Variants in RAB11FIP1 observed in about 807,000 individuals in gnomAD.
The protein encoded by RAB11FIP1 is RAB11 family interacting protein 1.
Under a neutral mutation model 83.1 loss-of-function variants are expected in RAB11FIP1, and 49 were observed. That is an observed-to-expected ratio of 0.59 (90% CI 0.47 to 0.75). The LOEUF (loss-of-function observed/expected upper bound fraction) is 0.75. Ranked by LOEUF, RAB11FIP1 falls within the 30% of genes least tolerant of loss-of-function variation. The pLI is 0.00. For missense variants in RAB11FIP1, 1,536 were observed against 1,598.7 expected (o/e 0.96, Z 0.67); for synonymous variants, 670 against 656.0 (o/e 1.02, Z -0.33).
rs1365691657 is a variant in RAB11FIP1, at chr8:37,895,169, G to T, written c.371+3902C>A. 1.0e-4 allele frequency among the ~76,000 whole-genome samples: 11 copies of T among 108,840 alleles called. No homozygotes were observed. In the Admixed American group the frequency reaches 1.1e-3, roughly 11 times the overall value. 71.4% of individuals were successfully genotyped at this position (108,840 alleles called of 152,430 possible). A position where few individuals can be genotyped will look rare whatever the true frequency, so the allele number is the denominator to read the frequency against. Reference sequence around the variant, plus strand: ...TAACCTTTAACTCTTGAGCTCAAATGATCTTCTCACCTCAGCCTCCGGAAT... The same window carrying T: ...TAACCTTTAACTCTTGAGCTCAAATTATCTTCTCACCTCAGCCTCCGGAAT... On this transcript the variant is annotated intron_variant, in intron 1 of 5. Coordinates refer to ENST00000330843, the MANE Select transcript of RAB11FIP1 (RefSeq NM_001002814.3).
At chr8:37,866,485 T>G (rs1806344695) in intron 5 of RAB11FIP1, among the ~76,000 whole-genome samples, 1 of 152,218 alleles carries the variant, frequency 6.6e-6, no homozygotes, top group Non-Finnish European at 1.5e-5. Context: ...CCCTGGACTT[T>G]TCCTTTTACA....
rs746822844 is a variant in RAB11FIP1, at chr8:37,872,616, G to T, written c.2186C>A (p.Ala729Asp). 1.2e-6 allele frequency: 2 copies of T among 1,614,182 alleles called. No individual in the cohort carries two copies. Among genetic ancestry groups the T allele is most frequent in the South Asian group, 1.1e-5 (1 of 91,084 alleles). ...AGCTCCATCACTGCTGAGTGAAAGG[G>T]CAAACGGTACTTCCTGGGCTTCTCC... The part of the protein sequence containing the change: ...SSGEAQEVPF[A>D]LSLSSDGAVS... Residue 729 changes from alanine (A) to aspartate (D), a missense_variant, in exon 4 of 6, where the codon GCC becomes GAC. Transcript: ENST00000330843.
In RAB11FIP1 at chr8:37,897,566, T is replaced by A. The variant is rs538890762; in HGVS notation, c.371+1505A>T. ...CTGTGAAACAAATAATTCGGTAATATCATGGAGTGAATGGTTTTTGCCCAG... is the reference window on the plus strand; with the variant it reads ...CTGTGAAACAAATAATTCGGTAATAACATGGAGTGAATGGTTTTTGCCCAG... On this transcript the variant is annotated intron_variant, in intron 1 of 5. Transcript: ENST00000330843. 4.0e-5 allele frequency among the ~76,000 whole-genome samples: 6 copies of A among 150,916 alleles called. No individual in the cohort carries two copies. In the East Asian group the frequency reaches 1.2e-3, roughly 29 times the overall value.
Position 37,881,585 on chromosome 8 carries a change from A to G in RAB11FIP1, c.372-4034T>C, listed in dbSNP as rs187863632. 2.5e-4 allele frequency among the ~76,000 whole-genome samples: 38 copies of G among 152,358 alleles called. 1 individual carries two copies. Among genetic ancestry groups the G allele is most frequent in the African/African-American group, 9.1e-4 (38 of 41,594 alleles). ...AATACAGCAAGGAGAGGATAAAATT[A>G]TATGAGCTATAATTTTGGACCCTTA... On this transcript the variant is annotated intron_variant, in intron 1 of 5. Transcript: ENST00000330843.
chr8:37,876,553 G>A lies in RAB11FIP1; in HGVS notation c.814+556C>T, dbSNP rs192662279. 3.2e-3 allele frequency among the ~76,000 whole-genome samples: 492 copies of A among 151,696 alleles called. 1 individual carries two copies. Among genetic ancestry groups the A allele is most frequent in the African/African-American group, 9.9e-3 (409 of 41,358 alleles). ...TTGGAGGCTGCCGTAAGCTATGATC[G>A]CGCCACTGCACTCCAGCGTGGGCAA... is the stretch of plus-strand genomic sequence containing the variant. On this transcript the variant is annotated intron_variant, in intron 2 of 5. Coordinates refer to ENST00000330843, the MANE Select transcript of RAB11FIP1 (RefSeq NM_001002814.3).
chr8:37,867,300 A>G (rs1032512193), intron 5 of RAB11FIP1, among the ~76,000 whole-genome samples: 11 of 152,252 alleles, frequency 7.2e-5, no homozygotes, highest in Non-Finnish European at 1.6e-4. Flanking sequence ...GCTGGTTGAC[A>G]TATTGTACAT....
chr8:37,880,866 T>C (rs1806721388), intron 1 of RAB11FIP1, among the ~76,000 whole-genome samples: 2 of 151,158 alleles, frequency 1.3e-5, no homozygotes, highest in Admixed American at 1.3e-4. Flanking sequence ...GTCCACCAGG[T>C]CACCCTCACA....
chr8:37,877,708 ATTTTTT>A (rs59670170), intron 1 of RAB11FIP1, 157 bp from the exon 2 acceptor site: 713 of 210,664 alleles, frequency 3.4e-3, no homozygotes, highest in South Asian at 4.2e-3. Flanking sequence ...TGAGAGCAGA[ATTTTTT>A]TTTTTTTTTT....
At position 37,885,180 on chromosome 8, in the gene RAB11FIP1, A is replaced by C. The variant is rs192677958; in HGVS notation, c.372-7629T>G. Among the ~76,000 whole-genome samples, 465 of 151,482 alleles carry C rather than the reference A, an allele frequency of 3.1e-3. 5 individuals are homozygous for C. Among genetic ancestry groups the C allele is most frequent in the African/African-American group, 0.011 (451 of 41,190 alleles). Reference sequence around the variant, plus strand: ...CAGCTAAGTTTTGTATTTTTAGTAGAGACGGGGTTTCACCGTGATGGCCAG... The same window carrying C: ...CAGCTAAGTTTTGTATTTTTAGTAGCGACGGGGTTTCACCGTGATGGCCAG... On this transcript the variant is annotated intron_variant, in intron 1 of 5. Transcript: ENST00000330843.
rs765058908 is a variant in RAB11FIP1, at chr8:37,872,135, G to A, written c.2667C>T (p.Ser889=). ...GGACTTCGGAGAAACTCTCCTCCTG[G>A]GAGGGGAGGAGGAGGTGATCCGCTG... ...ASPADHLLLP[S]QEESFSEVPM... is the part of the protein sequence containing the mutation. Residue 889 remains serine (S), a synonymous_variant, in exon 4 of 6, where the codon TCC becomes TCT. Coordinates refer to ENST00000330843, the MANE Select transcript of RAB11FIP1 (RefSeq NM_001002814.3). 3.7e-6 allele frequency: 6 copies of A among 1,613,892 alleles called. No homozygotes were observed. In the African/African-American group the frequency reaches 4.0e-5, roughly 11 times the overall value.
rs774473467 is a variant in RAB11FIP1 at position 37,861,675 on chromosome 8, A to T, written c.*1220T>A. The T allele has an allele frequency of 2.5e-6, 1 of 405,878 alleles. No individual in the cohort carries two copies. The highest frequency in any genetic ancestry group is 1.8e-5 in the South Asian group (1 of 56,070). The allele number at this position is 405,878 out of a possible 1,614,324, so 25.1% of individuals were successfully genotyped here. A position where few individuals can be genotyped will look rare whatever the true frequency, so the allele number is the denominator to read the frequency against. On this transcript the variant is annotated 3_prime_UTR_variant, in exon 6 of 6. Transcript: ENST00000330843. The stretch of plus-strand genomic sequence containing the variant: ...ACGATCTTGGCTCGCTGCAGCCTCC[A>T]TCTCCCAAGTTCAAGCAATTCTCCT...
intron 1 of RAB11FIP1, among the ~76,000 whole-genome samples, chr8:37,879,761 T>C (rs1339826901): frequency 2.0e-5 from 3 of 152,080 alleles, no homozygotes; most frequent in Middle Eastern, 3.4e-3. Context: ...CACATGCCTG[T>C]AATTTCAGCT....
intron 1 of RAB11FIP1, among the ~76,000 whole-genome samples, chr8:37,883,343 C>T (rs780024354): frequency 2.0e-5 from 3 of 152,084 alleles, no homozygotes; most frequent in South Asian, 2.1e-4. Flanking sequence ...GGATTACAGG[C>T]GTGCGCAACT....
intron 1 of RAB11FIP1, among the ~76,000 whole-genome samples, chr8:37,886,126 G>GTTT (rs1260408286): frequency 6.6e-6 from 1 of 152,114 alleles, no homozygotes; most frequent in African/African-American, 2.4e-5. Flanking sequence ...CAGTTCCAAC[G>GTTT]TTTTTACATG....
At chr8:37,892,311 C>T (rs897243767) in intron 1 of RAB11FIP1, among the ~76,000 whole-genome samples, 1 of 152,132 alleles carries the variant, frequency 6.6e-6, no homozygotes, top group Non-Finnish European at 1.5e-5. Flanking sequence ...GCAACAGCCT[C>T]CCATTTTGTC....
Position 37,877,467 on chromosome 8 carries a change from G to A in RAB11FIP1, c.456C>T (p.Asn152=), listed in dbSNP as rs1806641889. The change falls in exon 2 of 6, where the codon AAC becomes AAT. Residue 152 remains asparagine, a synonymous_variant. Coordinates refer to ENST00000330843, the MANE Select transcript of RAB11FIP1 (RefSeq NM_001002814.3). The part of the protein sequence containing the change: ...IEVDIQFMRN[N]MTASMFDLSM... ...AAAGGTCAAACATGCTGGCAGTCAT[G>A]TTGTTTCTCATAAACTGGATGTCAA... The A allele has an allele frequency of 1.9e-6, 3 of 1,613,764 alleles. No homozygotes were observed. The highest frequency in any genetic ancestry group is 1.6e-4 in the Middle Eastern group (1 of 6,062).
chr8:37,875,219 C>T lies in RAB11FIP1; in HGVS notation c.918G>A (p.Arg306=). 1 of 1,614,006 alleles carries T rather than the reference C, an allele frequency of 6.2e-7. No homozygotes were observed. Among genetic ancestry groups the T allele is most frequent in the Non-Finnish European group, 8.5e-7 (1 of 1,179,998 alleles). The change falls in exon 3 of 6, where the codon CGG becomes CGA. Residue 306 remains arginine (R), a synonymous_variant. Transcript: ENST00000330843. ...KEGLSFLGGL[R]SKNDVLSRSN... is the part of the protein sequence containing the mutation. Reference sequence around the variant, plus strand: ...AGCGGGAAAGGACATCATTCTTAGACCGAAGGCCACCAAGAAAGGAAAGTC... The same window carrying T: ...AGCGGGAAAGGACATCATTCTTAGATCGAAGGCCACCAAGAAAGGAAAGTC...
At chr8:37,874,408 T>G in intron 3 of RAB11FIP1, 107 bp downstream of exon 3, 1 of 860,148 alleles carries the variant, frequency 1.2e-6, no homozygotes, top group South Asian at 1.6e-5. Flanking sequence ...CTTTGGCATA[T>G]ATGGGTACTA....
chr8:37,885,293 C>A lies in RAB11FIP1; in HGVS notation c.372-7742G>T, dbSNP rs544630705. ...TACAGGTGTGAGCCAGAAGGCCCGG[C>A]CCCCAGCCTATATTTTTAAGTAATA... On this transcript the variant is annotated intron_variant, in intron 1 of 5. Coordinates refer to ENST00000330843, the MANE Select transcript of RAB11FIP1 (RefSeq NM_001002814.3). 3.0e-3 allele frequency among the ~76,000 whole-genome samples: 458 copies of A among 152,284 alleles called. 4 individuals are homozygous for A. The highest frequency in any genetic ancestry group is 0.011 in the African/African-American group (446 of 41,566).
Sources: allele counts gnomAD v4.1 joint callset (sites outside exome capture counted in the v4.1 genomes callset), GRCh38; gene constraint gnomAD v4.1.1; transcripts MANE v1.5; gene names NCBI Gene and HGNC (gene_info 2026-07-23, HGNC 2026-07-21).